AKAP12: variants seen among roughly 807,000 people sequenced by gnomAD.
AKAP12 encodes the protein A-kinase anchor protein 12.
Under a neutral mutation model 79.9 loss-of-function variants are expected in AKAP12, and 32 were observed. The ratio of observed to expected loss-of-function variants is 0.40; its 90% CI spans 0.30 to 0.54. The LOEUF is 0.54. AKAP12 is among the 20% of genes least tolerant of loss of function. AKAP12 has a pLI of 0.48. For missense variants in AKAP12, 2,074 were observed against 2,177.0 expected (o/e 0.95, Z 0.94); for synonymous variants, 808 against 857.0 (o/e 0.94, Z 1.00).
intron 2 of AKAP12, 61 bp from the exon 3 acceptor site, chr6:151,305,686 T>C: frequency 6.7e-7 from 1 of 1,495,022 alleles, no homozygotes; most frequent in Non-Finnish European, 9.1e-7. Context: ...AGTTAATGCC[T>C]TGTTTCTGAC....
chr6:151,325,160 T>C (rs1777491776), intron 3 of AKAP12: 1 of 985,448 alleles, frequency 1.0e-6, no homozygotes, highest in Non-Finnish European at 1.2e-6. Context: ...TTCAGAGCAG[T>C]GCAACGTGTG....
intron 2 of AKAP12, among the ~76,000 whole-genome samples, chr6:151,267,728 T>C (rs546374784): frequency 8.5e-5 from 13 of 152,328 alleles, no homozygotes; most frequent in African/African-American, 3.1e-4. Context: ...TTCTAGAATG[T>C]AGCCATAAAA....
chr6:151,312,958 T>C (rs1777151334), intron 3 of AKAP12, among the ~76,000 whole-genome samples: 1 of 152,162 alleles, frequency 6.6e-6, no homozygotes, highest in Non-Finnish European at 1.5e-5. Flanking sequence ...AGCAAATATA[T>C]GAATAAATGA....
intron 2 of AKAP12, among the ~76,000 whole-genome samples, chr6:151,248,918 T>A (rs1166034754): frequency 6.6e-6 from 1 of 150,970 alleles, no homozygotes; most frequent in Non-Finnish European, 1.5e-5. Context: ...ACCTAGGAGG[T>A]GGAGGTTGCA....
chr6:151,346,665 G>A (rs1289841775), intron 3 of AKAP12, among the ~76,000 whole-genome samples: 3 of 152,208 alleles, frequency 2.0e-5, no homozygotes, highest in African/African-American at 7.2e-5. Context: ...GTGCCTGTCA[G>A]ATTTCTCCAT....
intron 2 of AKAP12, among the ~76,000 whole-genome samples, chr6:151,292,931 A>G (rs373563516): frequency 9.0e-4 from 137 of 152,248 alleles, no homozygotes; most frequent in African/African-American, 3.2e-3. Flanking sequence ...CGTATTTCTC[A>G]TATCTGTCTT....
intron 2 of AKAP12, among the ~76,000 whole-genome samples, chr6:151,305,454 G>T (rs1158948642): frequency 1.3e-5 from 2 of 152,040 alleles, no homozygotes; most frequent in Non-Finnish European, 2.9e-5. Context: ...TTTTTTCATG[G>T]TTATATTTGA....
chr6:151,244,262 C>T (rs969369474), intron 2 of AKAP12, among the ~76,000 whole-genome samples: 14 of 152,192 alleles, frequency 9.2e-5, no homozygotes, highest in East Asian at 3.9e-4. Context: ...CGGTGGCTCA[C>T]GCCTGTAATC....
intron 2 of AKAP12, among the ~76,000 whole-genome samples, chr6:151,276,538 A>G (rs1034116713): frequency 1.7e-4 from 26 of 152,266 alleles, no homozygotes; most frequent in Admixed American, 3.9e-4. Flanking sequence ...TGCTTAGTCA[A>G]CGGTCTGGCT....
At position 151,353,538 on chromosome 6, in the gene AKAP12, A is replaced by G. The variant is rs763578732; in HGVS notation, c.5147A>G (p.Asp1716Gly). The G allele has an allele frequency of 6.2e-7, 1 of 1,614,212 alleles. No homozygotes were observed. The highest frequency in any genetic ancestry group is 8.5e-7 in the Non-Finnish European group (1 of 1,180,036). Residue 1716 changes from aspartate to glycine, a missense_variant, in exon 4 of 5, where the codon GAT (aspartate) becomes GGT (glycine). By Grantham distance (94) the Asp-to-Gly change is moderately conservative. Around this residue, in one of 3 missense-constraint regions of AKAP12, gnomAD observed 614 missense variants for 665.6 expected, o/e 0.92. Transcript: ENST00000402676. The part of the protein sequence containing the change: ...DPENQNSALA[D>G]TDASGGLTKE... ...GAAAACCAGAACTCAGCCCTGGCTG[A>G]TACTGATGCCTCAGGAGGCTTAACC...
Position 151,350,066 on chromosome 6 carries a change from G to A in AKAP12, c.1675G>A (p.Glu559Lys). The A allele has an allele frequency of 4.3e-6, 7 of 1,614,172 alleles. No individual in the cohort carries two copies. The highest frequency in any genetic ancestry group is 5.9e-6 in the Non-Finnish European group (7 of 1,180,030). Residue 559 changes from glutamate to lysine, a missense_variant, in exon 4 of 5, where the codon GAG becomes AAG. Glu to Lys is a moderately conservative substitution (Grantham distance 56). Transcript: ENST00000402676. The surrounding 1 kb of genome is among the most constrained non-coding windows in gnomAD (Gnocchi z 4.8). Reference protein sequence around the residue: ...QVPADSPDSQEEQKGESSASS... With the variant: ...QVPADSPDSQKEQKGESSASS... ...TCCAGCCGATTCTCCGGACAGCCAG[G>A]AGGAGCAAAAGGGCGAGAGCTCTGC...
intron 3 of AKAP12, chr6:151,341,595 C>A: frequency 1.5e-6 from 1 of 662,270 alleles, no homozygotes; most frequent in South Asian, 2.9e-5. Context: ...GCTATGGCAG[C>A]CGGCAGGGGC....
At chr6:151,348,680 T>TTGGGGGGGGGG in intron 3 of AKAP12, 31 bp from the exon 4 acceptor site, 21 of 355,190 alleles carry the variant, frequency 5.9e-5, no homozygotes, top group East Asian at 1.2e-4. Context: ...TTTTCTCTTC[T>TTGGGGGGGGGG]CCCCACCCCC....
At position 151,252,732 on chromosome 6, in the gene AKAP12, GAA is replaced by G. The variant is rs1185564468; in HGVS notation, c.162+12029_162+12030del. Among the ~76,000 whole-genome samples, 9 of 95,812 alleles carry G rather than the reference GAA, an allele frequency of 9.4e-5. No individual in the cohort carries two copies. The South Asian group carries it at 1.1e-3, about 11-fold the overall frequency. 62.9% of individuals were successfully genotyped at this position (95,812 alleles called of 152,430 possible). A position where few individuals can be genotyped will look rare whatever the true frequency, so the allele number is the denominator to read the frequency against. On this transcript the variant is annotated intron_variant, in intron 2 of 4. Transcript: ENST00000402676. Reference sequence around the variant, plus strand: ...AAGATACCAAGACCCCTGTCTCTGGGAAAAAAAAAAAAAAAAAAAAAAGATGA... The same window carrying G: ...AAGATACCAAGACCCCTGTCTCTGGGAAAAAAAAAAAAAAAAAAAAGATGA...
chr6:151,350,848 A>G lies in AKAP12; in HGVS notation c.2457A>G (p.Pro819=), dbSNP rs2114826857. The change falls in exon 4 of 5, where the codon CCA becomes CCG. Residue 819 remains proline (P), a synonymous_variant. Transcript: ENST00000402676. This position sits in a 1 kb window ranked among gnomAD's most constrained non-coding sequence, Gnocchi z 4.8. ...TTCCTGGACGAAGGAAGAAAAGGCCAGATGGGAAACAAGAACAAGCCCCTG... is the reference window on the plus strand; with the variant it reads ...TTCCTGGACGAAGGAAGAAAAGGCCGGATGGGAAACAAGAACAAGCCCCTG... ...KFIPGRRKKR[P]DGKQEQAPVE... 2 of 1,614,172 alleles carry G rather than the reference A, an allele frequency of 1.2e-6. No homozygotes were observed. Among genetic ancestry groups the G allele is most frequent in the East Asian group, 2.2e-5 (1 of 44,882 alleles).
At chr6:151,276,946 T>G (rs1423457884) in intron 2 of AKAP12, among the ~76,000 whole-genome samples, 1 of 152,194 alleles carries the variant, frequency 6.6e-6, no homozygotes, top group Non-Finnish European at 1.5e-5. Context: ...GTGGAATTCT[T>G]TGTGTATGCA....
At chr6:151,346,757 G>A (rs1414471465) in intron 3 of AKAP12, among the ~76,000 whole-genome samples, 2 of 152,058 alleles carry the variant, frequency 1.3e-5, no homozygotes, top group African/African-American at 4.8e-5. Context: ...TTTACCCGAT[G>A]GTTTTAGCAG....
At position 151,305,839 on chromosome 6, in the gene AKAP12, A is replaced by G. The variant is rs773837935; in HGVS notation, c.255A>G (p.Lys85=). ...AGGAGGGTGACCTAAATGGCCAGAA[A>G]GGAGCCCTGAACGGTCAAGGAGCCC... is the stretch of plus-strand genomic sequence containing the variant. ...SLQEGDLNGQ[K]GALNGQGALN... is the part of the protein sequence containing the mutation. The change falls in exon 3 of 5, where the codon AAA becomes AAG. Residue 85 remains lysine (K), a synonymous_variant. Coordinates refer to ENST00000402676, the MANE Select transcript of AKAP12 (RefSeq NM_005100.4). 6.2e-7 allele frequency: 1 copy of G among 1,614,088 alleles called. No individual in the cohort carries two copies. Among genetic ancestry groups the G allele is most frequent in the Admixed American group, 1.7e-5 (1 of 60,002 alleles).
At position 151,259,491 on chromosome 6, in the gene AKAP12, C is replaced by CACAT. The variant is rs1554319991; in HGVS notation, c.162+18768_162+18769insCATA. 1.0e-3 allele frequency among the ~76,000 whole-genome samples: 144 copies of CACAT among 139,498 alleles called. 4 individuals carry two copies. The highest frequency in any genetic ancestry group is 7.6e-3 in the Middle Eastern group (2 of 264). 91.5% of individuals were successfully genotyped at this position (139,498 alleles called of 152,430 possible). On this transcript the variant is annotated intron_variant, in intron 2 of 4. Transcript: ENST00000402676. ...ACATGTATATATATATATACACACA[C>CACAT]ATATACATGTATATATATATACACA... is the stretch of plus-strand genomic sequence containing the variant.
Sources: allele counts gnomAD v4.1 joint callset (sites outside exome capture counted in the v4.1 genomes callset), GRCh38; gene constraint gnomAD v4.1.1; regional missense constraint gnomAD v4.1.1; non-coding constraint Gnocchi (gnomAD v3.1); transcripts MANE v1.5; gene names NCBI Gene and HGNC (gene_info 2026-07-23, HGNC 2026-07-21).